Variants in DROSHA observed in about 807,000 individuals in gnomAD.
The protein encoded by DROSHA is drosha ribonuclease III.
In DROSHA, 56 loss-of-function variants were observed where a neutral mutation model predicts 181.9. The observed-to-expected ratio is 0.31, with a 90% CI of 0.25 to 0.38. The LOEUF (loss-of-function observed/expected upper bound fraction) is 0.38. Among genes scored for constraint, DROSHA ranks in the 10% least tolerant of loss-of-function variants. The probability of loss-of-function intolerance (pLI) is 1.00; values close to 1 mark genes in which losing one functional copy is unlikely to be tolerated. For synonymous variants in DROSHA, 524 were observed against 591.2 expected (o/e 0.89, Z 1.65); for missense variants, 1,218 against 1,743.5 (o/e 0.70, Z 5.37).
In DROSHA at chr5:31,486,527, G is replaced by T; in HGVS notation, c.1878C>A (p.Asp626Glu). The change falls in exon 14 of 36, where the codon GAC becomes GAA. Residue 626 changes from aspartate to glutamate, a missense_variant. This residue lies in a region of DROSHA where 460 missense variants were observed against 774.2 expected (regional missense o/e 0.59). Coordinates refer to ENST00000344624, the MANE Select transcript of DROSHA (RefSeq NM_001382508.1). The part of the protein sequence containing the change: ...PLCKVIRFNI[D>E]YTIHFIEEMM... Reference sequence around the variant, plus strand: ...TCTCTTCAATGAAATGAATCGTGTAGTCTATGTTGAATCTAATTACTTTAC... The same window carrying T: ...TCTCTTCAATGAAATGAATCGTGTATTCTATGTTGAATCTAATTACTTTAC... 1 of 1,613,722 alleles carries T rather than the reference G, an allele frequency of 6.2e-7. No homozygotes were observed. The highest frequency in any genetic ancestry group is 1.1e-5 in the South Asian group (1 of 91,012).
intron 30 of DROSHA, among the ~76,000 whole-genome samples, chr5:31,416,665 GGA>G (rs1282010435): frequency 6.6e-6 from 1 of 152,178 alleles, no homozygotes; most frequent in East Asian, 1.9e-4. Flanking sequence ...CAGCTTCCAG[GGA>G]GAGGAAGAGC....
intron 27 of DROSHA, among the ~76,000 whole-genome samples, chr5:31,425,329 AG>A (rs945771722): frequency 3.8e-4 from 58 of 152,324 alleles, no homozygotes; most frequent in African/African-American, 1.4e-3. Context: ...AAATACACTC[AG>A]GGTTTTTTAA....
intron 6 of DROSHA, among the ~76,000 whole-genome samples, chr5:31,520,503 T>G (rs1481683695): frequency 6.6e-6 from 1 of 152,194 alleles, no homozygotes; most frequent in Non-Finnish European, 1.5e-5. Context: ...CAGTTCTAAG[T>G]GTTTGACATG....
At chr5:31,478,407 G>A (rs1457365087) in intron 16 of DROSHA, among the ~76,000 whole-genome samples, 2 of 152,264 alleles carry the variant, frequency 1.3e-5, no homozygotes, top group Non-Finnish European at 2.9e-5. Flanking sequence ...CCCATGGGCT[G>A]TGGGTTGGAC....
chr5:31,498,382 G>C (rs1451813917), intron 11 of DROSHA, among the ~76,000 whole-genome samples: 1 of 151,806 alleles, frequency 6.6e-6, no homozygotes, highest in African/African-American at 2.4e-5. Flanking sequence ...ACTGACCTTT[G>C]GTTATACTTA....
At chr5:31,448,094 C>T (rs539121864) in intron 23 of DROSHA, among the ~76,000 whole-genome samples, 1 of 152,264 alleles carries the variant, frequency 6.6e-6, no homozygotes, top group East Asian at 1.9e-4. Flanking sequence ...AAAGTGGAAA[C>T]AATCCATGTG....
At chr5:31,463,509 A>C (rs183116153) in intron 20 of DROSHA, among the ~76,000 whole-genome samples, 1 of 152,330 alleles carries the variant, frequency 6.6e-6, no homozygotes, top group East Asian at 1.9e-4. Context: ...TGAACACAGC[A>C]AACTGCATTA....
intron 34 of DROSHA, 140 bp downstream of exon 34, chr5:31,406,713 G>A (rs780759111): frequency 6.9e-6 from 5 of 727,210 alleles, no homozygotes; most frequent in Admixed American, 2.8e-5. Context: ...ATTAATTCCT[G>A]GAATTCACTT....
intron 16 of DROSHA, among the ~76,000 whole-genome samples, chr5:31,482,842 T>G (rs1246083666): frequency 6.6e-6 from 1 of 151,434 alleles, no homozygotes. Flanking sequence ...TTTTTAGAGA[T>G]AGGGCCTTGC....
chr5:31,425,877 G>C (rs1040567875), intron 27 of DROSHA, among the ~76,000 whole-genome samples: 1 of 151,954 alleles, frequency 6.6e-6, no homozygotes, highest in Non-Finnish European at 1.5e-5. Context: ...ATAATTGTAG[G>C]ACCTACTCAA....
chr5:31,466,960 C>T lies in DROSHA; in HGVS notation c.2367-679G>A, dbSNP rs182407065. On this transcript the variant is annotated intron_variant, in intron 18 of 35. Coordinates refer to ENST00000344624, the MANE Select transcript of DROSHA (RefSeq NM_001382508.1). ...AGTCCTTTATCAATTCACAGTCCTG[C>T]CATCTGAGAGTCCACGAGAGCCTCA... 9.2e-5 allele frequency among the ~76,000 whole-genome samples: 14 copies of T among 152,320 alleles called. No homozygotes were observed. In the East Asian group the frequency reaches 2.7e-3, roughly 29 times the overall value.
intron 16 of DROSHA, among the ~76,000 whole-genome samples, chr5:31,482,083 C>T (rs185970578): frequency 2.6e-5 from 4 of 152,280 alleles, no homozygotes; most frequent in African/African-American, 9.6e-5. Context: ...GGGGCTTCTG[C>T]CCATGGGAAG....
At chr5:31,445,389 T>C (rs1746124684) in intron 23 of DROSHA, among the ~76,000 whole-genome samples, 1 of 152,140 alleles carries the variant, frequency 6.6e-6, no homozygotes, top group Non-Finnish European at 1.5e-5. Context: ...TATGGGAAGG[T>C]ATCTCATAAA....
At chr5:31,520,612 G>A (rs951316652) in intron 6 of DROSHA, among the ~76,000 whole-genome samples, 1 of 152,042 alleles carries the variant, frequency 6.6e-6, no homozygotes, top group Non-Finnish European at 1.5e-5. Flanking sequence ...ATAAAATTGG[G>A]AGAGCTAATA....
Position 31,423,003 on chromosome 5 carries a change from G to T in DROSHA, c.3262-59C>A, listed in dbSNP as rs1742953261. The T allele has an allele frequency of 3.3e-5, 47 of 1,427,504 alleles. No individual in the cohort carries two copies. In the South Asian group the frequency reaches 6.5e-4, roughly 20 times the overall value. The allele number at this position is 1,427,504 out of a possible 1,614,324, so 88.4% of individuals were successfully genotyped here. A position where few individuals can be genotyped will look rare whatever the true frequency, so the allele number is the denominator to read the frequency against. ...TTTCATTTTTGGTTGTAAGTGCAATGATCAATTCTAGGACAGTGTTTTGTA... is the reference window on the plus strand; with the variant it reads ...TTTCATTTTTGGTTGTAAGTGCAATTATCAATTCTAGGACAGTGTTTTGTA... On this transcript the variant is annotated intron_variant, in intron 28 of 35. Transcript: ENST00000344624.
At chr5:31,460,012 T>C (rs1178830740) in intron 20 of DROSHA, among the ~76,000 whole-genome samples, 2 of 152,226 alleles carry the variant, frequency 1.3e-5, no homozygotes, top group African/African-American at 4.8e-5. Flanking sequence ...AGTCAGTTTA[T>C]TGATTTCCAT....
rs2149984162 is a variant in DROSHA, at chr5:31,405,668, C to T, written c.3994+9G>A. On this transcript the variant is annotated intron_variant, in intron 35 of 35. Transcript: ENST00000344624. ...ATGAACATAATTATAGAAAAAAAAACAGGCTTACATTTTTCAAGCGCATCC... is the reference window on the plus strand; with the variant it reads ...ATGAACATAATTATAGAAAAAAAAATAGGCTTACATTTTTCAAGCGCATCC... 1 of 1,549,380 alleles carries T rather than the reference C, an allele frequency of 6.5e-7. No homozygotes were observed. Among genetic ancestry groups the T allele is most frequent in the Non-Finnish European group, 8.7e-7 (1 of 1,149,398 alleles).
chr5:31,454,466 G>A (rs1357112846), intron 20 of DROSHA, among the ~76,000 whole-genome samples: 1 of 152,090 alleles, frequency 6.6e-6, no homozygotes, highest in Non-Finnish European at 1.5e-5. Context: ...AGGAGGAGGA[G>A]CTCCAGAACC....
intron 30 of DROSHA, among the ~76,000 whole-genome samples, chr5:31,419,496 AC>A (rs1742394184): frequency 7.3e-6 from 1 of 136,900 alleles, no homozygotes; most frequent in African/African-American, 2.8e-5. Flanking sequence ...TCCTAGTTTT[AC>A]CTTTCTCTAG....
Sources: allele counts gnomAD v4.1 joint callset (sites outside exome capture counted in the v4.1 genomes callset), GRCh38; gene constraint gnomAD v4.1.1; regional missense constraint gnomAD v4.1.1; transcripts MANE v1.5; gene names NCBI Gene and HGNC (gene_info 2026-07-23, HGNC 2026-07-21).